Variants in PLCG2 observed in about 807,000 individuals in gnomAD.
PLCG2 encodes 1-phosphatidylinositol 4,5-bisphosphate phosphodiesterase gamma-2.
Under a neutral mutation model 175.6 loss-of-function variants are expected in PLCG2, and 69 were observed. That is an observed-to-expected ratio of 0.39 (90% CI 0.32 to 0.48). PLCG2 has a LOEUF of 0.48. Among genes scored for constraint, PLCG2 ranks in the 20% least tolerant of loss-of-function variants. The pLI is 0.91. For missense variants in PLCG2, 1,798 were observed against 1,650.9 expected (o/e 1.09, Z -1.54); for synonymous variants, 827 against 624.0 (o/e 1.33, Z -4.85).
chr16:81,894,963 G>A (rs934756610), intron 12 of PLCG2, among the ~76,000 whole-genome samples: 22 of 152,200 alleles, frequency 1.4e-4, no homozygotes, highest in Middle Eastern at 3.2e-3. Flanking sequence ...ACTCATCATG[G>A]AAGCAACGTT....
rs181910984 is a variant in PLCG2, at chr16:81,960,233, G to A, written c.*2235G>A. 3.2e-5 allele frequency: 7 copies of A among 220,738 alleles called. No homozygotes were observed. In the East Asian group the frequency reaches 4.0e-4, roughly 13 times the overall value. The allele number at this position is 220,738 out of a possible 1,614,324, so 13.7% of individuals were successfully genotyped here. ...TGGTGTTAGGGACTGATTCTCTCAG[G>A]AAAGGCACACATGGTATGATGGCTC... On this transcript the variant is annotated 3_prime_UTR_variant, in exon 33 of 33. Coordinates refer to ENST00000564138, the MANE Select transcript of PLCG2 (RefSeq NM_002661.5).
intron 24 of PLCG2, 129 bp from the exon 25 acceptor site, chr16:81,931,368 C>A (rs1421707966): frequency 2.6e-6 from 2 of 768,994 alleles, no homozygotes. Context: ...TAGACGTCCC[C>A]ATCAGTGCTA....
intron 2 of PLCG2, among the ~76,000 whole-genome samples, chr16:81,757,513 G>A (rs1008046576): frequency 6.6e-5 from 10 of 151,930 alleles, no homozygotes; most frequent in African/African-American, 2.4e-4. Context: ...CAGAAGAGCC[G>A]AGAAAGCGCC....
chr16:81,934,318 G>C (rs1910620269), intron 25 of PLCG2, 111 bp from the exon 26 acceptor site: 6 of 673,182 alleles, frequency 8.9e-6, no homozygotes, highest in African/African-American at 1.8e-5. Context: ...CCATATTAAA[G>C]ATCCGAGTGT....
Position 81,786,757 on chromosome 16 carries a change from T to G in PLCG2, c.193+575T>G, listed in dbSNP as rs552303168. ...GTTCAGATCCTAAAGTTTCTAAGAC[T>G]GTTTTTAACAAATAGAGTAAAGGCA... On this transcript the variant is annotated intron_variant, in intron 2 of 32. Transcript: ENST00000564138. Among the ~76,000 whole-genome samples the G allele has an allele frequency of 2.6e-5, 4 of 152,352 alleles. No individual in the cohort carries two copies. The South Asian group carries it at 8.3e-4, about 32-fold the overall frequency.
rs762549532 is a variant in PLCG2 at position 81,958,152 on chromosome 16, T to G, written c.*154T>G. ...GACATTTCTTAAGACCCAACTGGCA[T>G]GAGTTGGGGTAATTTCCTATTATTT... On this transcript the variant is annotated 3_prime_UTR_variant, in exon 33 of 33. Coordinates refer to ENST00000564138, the MANE Select transcript of PLCG2 (RefSeq NM_002661.5). The G allele has an allele frequency of 1.6e-6, 1 of 619,058 alleles. No homozygotes were observed. Among genetic ancestry groups the G allele is most frequent in the Non-Finnish European group, 3.0e-6 (1 of 337,380 alleles). 38.3% of individuals were successfully genotyped at this position (619,058 alleles called of 1,614,324 possible).
chr16:81,788,038 A>G (rs967105032), intron 2 of PLCG2, among the ~76,000 whole-genome samples: 6 of 152,234 alleles, frequency 3.9e-5, no homozygotes, highest in Admixed American at 1.3e-4. Context: ...TTTCTCTACA[A>G]GTTTTTGTGT....
chr16:81,824,707 A>G (rs534741251), intron 2 of PLCG2, among the ~76,000 whole-genome samples: 1 of 152,014 alleles, frequency 6.6e-6, no homozygotes, highest in African/African-American at 2.4e-5. Context: ...CTGCCATGTG[A>G]CCTCTGGCCT....
intron 2 of PLCG2, among the ~76,000 whole-genome samples, chr16:81,788,315 C>G (rs140921325): frequency 6.6e-6 from 1 of 152,194 alleles, no homozygotes; most frequent in African/African-American, 2.4e-5. Flanking sequence ...GAGTCTCGCT[C>G]TGTTGCCCAG....
At chr16:81,909,627 G>A (rs1364108064) in intron 17 of PLCG2, among the ~76,000 whole-genome samples, 3 of 152,148 alleles carry the variant, frequency 2.0e-5, no homozygotes, top group Non-Finnish European at 4.4e-5. Context: ...ACGTTGCCCA[G>A]GCTGGTTTTG....
chr16:81,895,957 C>T, intron 13 of PLCG2, 30 bp downstream of exon 13: 1 of 1,613,614 alleles, frequency 6.2e-7, no homozygotes, highest in Middle Eastern at 1.7e-4. Flanking sequence ...GGTGGTGTGA[C>T]TTAAAGGGGA....
At chr16:81,919,060 C>T (rs941710390) in intron 19 of PLCG2, among the ~76,000 whole-genome samples, 2 of 152,228 alleles carry the variant, frequency 1.3e-5, no homozygotes, top group East Asian at 1.9e-4. Context: ...AGCTACACAA[C>T]TCTGCTGTTA....
intron 1 of PLCG2, among the ~76,000 whole-genome samples, chr16:81,753,578 C>G (rs1407107994): frequency 6.6e-6 from 1 of 151,968 alleles, no homozygotes; most frequent in Non-Finnish European, 1.5e-5. Flanking sequence ...ATTACCACGC[C>G]CAGCTAATTT....
rs1911795497 is a variant in PLCG2, at chr16:81,962,035, T to C, written c.*4037T>C. The stretch of plus-strand genomic sequence containing the variant: ...GTCCCCTTCCTACCTCACCGCTCCA[T>C]GTGCGTCCCTCCCGAAGCTGCGCGC... On this transcript the variant is annotated 3_prime_UTR_variant, in exon 33 of 33. Coordinates refer to ENST00000564138, the MANE Select transcript of PLCG2 (RefSeq NM_002661.5). 2 of 191,386 alleles carry C rather than the reference T, an allele frequency of 1.0e-5. No homozygotes were observed. The highest frequency in any genetic ancestry group is 2.2e-5 in the Non-Finnish European group (2 of 89,556). The allele number at this position is 191,386 out of a possible 1,614,324, so 11.9% of individuals were successfully genotyped here. A position where few individuals can be genotyped will look rare whatever the true frequency, so the allele number is the denominator to read the frequency against.
At position 81,893,718 on chromosome 16, in the gene PLCG2, A is replaced by T; in HGVS notation, c.996A>T (p.Thr332=). 1.2e-6 allele frequency: 2 copies of T among 1,610,232 alleles called. No homozygotes were observed. The highest frequency in any genetic ancestry group is 1.7e-6 in the Non-Finnish European group (2 of 1,177,640). ...GCCTTCTCTCCTGCAGGTACCTTAC[A>T]GGTGACCAGCTGCGGAGCGAGTCGT... ...WISSSHNTYL[T]GDQLRSESSP... Residue 332 remains threonine, a synonymous_variant, in exon 12 of 33, where the codon ACA becomes ACT. Coordinates refer to ENST00000564138, the MANE Select transcript of PLCG2 (RefSeq NM_002661.5).
chr16:81,774,374 G>A (rs1348743933), upstream of PLCG2, among the ~76,000 whole-genome samples: 2 of 151,608 alleles, frequency 1.3e-5, no homozygotes, highest in Admixed American at 6.6e-5. Context: ...CCATTAAACC[G>A]GGGGCTCCAC....
intron 22 of PLCG2, among the ~76,000 whole-genome samples, 162 bp downstream of exon 22, chr16:81,923,756 C>A (rs1364073527): frequency 1.3e-5 from 2 of 152,162 alleles, no homozygotes; most frequent in African/African-American, 4.8e-5. Flanking sequence ...TTGGTGCATG[C>A]TCTATTTGAG....
At chr16:81,873,169 C>T (rs1206291422) in intron 7 of PLCG2, among the ~76,000 whole-genome samples, 1 of 152,170 alleles carries the variant, frequency 6.6e-6, no homozygotes, top group African/African-American at 2.4e-5. Context: ...CCCACTTGAC[C>T]TCTAACTGAC....
At chr16:81,864,710 G>C (rs1471888563) in intron 5 of PLCG2, among the ~76,000 whole-genome samples, 1 of 152,204 alleles carries the variant, frequency 6.6e-6, no homozygotes, top group Non-Finnish European at 1.5e-5. Context: ...AAAAGAGCCG[G>C]GGGCAGTGGA....
Sources: gnomAD v4.1 joint callset for allele counts (sites outside exome capture counted in the v4.1 genomes callset) on GRCh38, gnomAD v4.1.1 for gene constraint, MANE v1.5 for transcripts, NCBI Gene and HGNC (gene_info 2026-07-23, HGNC 2026-07-21) for gene names.